The following PARD3B variants were observed in gnomAD, a reference collection of about 807,000 sequenced individuals.
PARD3B encodes the protein par-3 family cell polarity regulator beta, also known as partitioning defective 3 homolog B.
A neutral mutation model predicts 130.2 loss-of-function variants in PARD3B; 103 were observed. That is an observed-to-expected ratio of 0.79 (90% CI 0.67 to 0.93). PARD3B has a LOEUF of 0.93. PARD3B is among the 40% of genes least tolerant of loss of function. The pLI is 0.00. For missense variants in PARD3B, 1,609 were observed against 1,499.2 expected, an observed-to-expected ratio of 1.07 and a Z score of -1.21; for synonymous variants, 583 against 553.2, an observed-to-expected ratio of 1.05 and a Z score of -0.76.
chr2:204,659,836 T>C (rs2035744992), intron 1 of PARD3B, among the ~76,000 whole-genome samples: 1 of 152,182 alleles, frequency 6.6e-6, no homozygotes, highest in Admixed American at 6.6e-5. Flanking sequence ...AAACAATGGA[T>C]GCTATTTACA....
At chr2:204,938,387 C>T (rs1688629090) in intron 2 of PARD3B, among the ~76,000 whole-genome samples, 1 of 152,276 alleles carries the variant, frequency 6.6e-6, no homozygotes, top group African/African-American at 2.4e-5. Context: ...CATGCTGTTC[C>T]CTCTGCGTGG....
At chr2:205,522,365 G>GAAA (rs1393318402) in intron 21 of PARD3B, among the ~76,000 whole-genome samples, 600 of 151,568 alleles carry the variant, frequency 4.0e-3, no homozygotes, top group African/African-American at 0.014. Flanking sequence ...TTAAATCAAG[G>GAAA]AATTAGGTTT....
intron 21 of PARD3B, among the ~76,000 whole-genome samples, chr2:205,500,433 T>C (rs751060118): frequency 5.3e-5 from 8 of 152,190 alleles, no homozygotes; most frequent in Non-Finnish European, 1.2e-4. Context: ...GTCAGTTGTT[T>C]GTTTATTGGA....
intron 21 of PARD3B, among the ~76,000 whole-genome samples, chr2:205,505,877 T>G (rs185330681): frequency 2.4e-3 from 371 of 152,210 alleles, no homozygotes; most frequent in African/African-American, 8.6e-3. Context: ...CCGCCCAACC[T>G]TTTTAAAAAA....
intron 10 of PARD3B, among the ~76,000 whole-genome samples, chr2:205,134,014 T>G (rs747934383): frequency 6.6e-6 from 1 of 152,196 alleles, no homozygotes; most frequent in Non-Finnish European, 1.5e-5. Flanking sequence ...TTGGAGGCTT[T>G]AGGGTAAGAT....
chr2:205,240,056 A>G (rs1214816726), intron 15 of PARD3B, among the ~76,000 whole-genome samples: 1 of 152,150 alleles, frequency 6.6e-6, no homozygotes, highest in East Asian at 1.9e-4. Context: ...CAGAATCATT[A>G]TGCCAAATTG....
chr2:205,268,429 G>A lies in PARD3B; in HGVS notation c.2185+22607G>A, dbSNP rs2040596466. On this transcript the variant is annotated intron_variant, in intron 16 of 22. Transcript: ENST00000406610. The surrounding 1 kb of genome is among the most constrained non-coding windows in gnomAD (Gnocchi z 4.1). ...TGTTAGAGGTTTGAGGTAAAAGATC[G>A]TGGCAGAAGCCAGTATTGATTCACA... Among the ~76,000 whole-genome samples the A allele has an allele frequency of 2.0e-5, 3 of 152,116 alleles. No homozygotes were observed. Among genetic ancestry groups the A allele is most frequent in the South Asian group, 2.1e-4 (1 of 4,822 alleles).
intron 4 of PARD3B, among the ~76,000 whole-genome samples, chr2:205,068,212 C>T (rs1700508246): frequency 6.6e-6 from 1 of 152,084 alleles, no homozygotes; most frequent in Non-Finnish European, 1.5e-5. Context: ...CTCAGATTTT[C>T]TGTTTTGTCT....
Position 205,210,536 on chromosome 2 carries a change from G to A in PARD3B, c.2140+17216G>A, listed in dbSNP as rs550077962. Among the ~76,000 whole-genome samples, 16 of 152,174 alleles carry A rather than the reference G, an allele frequency of 1.1e-4. No individual in the cohort carries two copies. In the South Asian group the frequency reaches 2.1e-3, roughly 20 times the overall value. On this transcript the variant is annotated intron_variant, in intron 15 of 22. Transcript: ENST00000406610. Reference sequence around the variant, plus strand: ...ACTTCTAGAAACAGGAATGCATTGAGCCTGCTAGTACATCAACCTTTGTAA... The same window carrying A: ...ACTTCTAGAAACAGGAATGCATTGAACCTGCTAGTACATCAACCTTTGTAA...
intron 1 of PARD3B, among the ~76,000 whole-genome samples, chr2:204,599,477 G>A (rs932527713): frequency 6.6e-6 from 1 of 151,628 alleles, no homozygotes; most frequent in African/African-American, 2.4e-5. Flanking sequence ...ACTTAACCTG[G>A]TATCCTCCAA....
intron 16 of PARD3B, among the ~76,000 whole-genome samples, chr2:205,266,353 A>G (rs2040504734): frequency 6.6e-6 from 1 of 152,166 alleles, no homozygotes; most frequent in African/African-American, 2.4e-5. Flanking sequence ...TAATAATGAG[A>G]TGGCAAACCA....
intron 1 of PARD3B, among the ~76,000 whole-genome samples, chr2:204,573,136 G>C (rs527511736): frequency 6.6e-6 from 1 of 152,124 alleles, no homozygotes; most frequent in Non-Finnish European, 1.5e-5. Context: ...CCTGAGTCCG[G>C]CTGTATCTCA....
chr2:204,876,896 C>T (rs1165760771), intron 2 of PARD3B, among the ~76,000 whole-genome samples: 2 of 152,014 alleles, frequency 1.3e-5, no homozygotes, highest in African/African-American at 4.8e-5. Flanking sequence ...TACAGTGGAC[C>T]CTTAACCTGT....
chr2:204,941,440 A>T (rs569460402), intron 2 of PARD3B, among the ~76,000 whole-genome samples: 94 of 152,184 alleles, frequency 6.2e-4, no homozygotes, highest in Non-Finnish European at 1.3e-3. Context: ...ATAATTAACA[A>T]CCTGGCTATG....
chr2:205,426,684 C>T (rs937263102), intron 19 of PARD3B, among the ~76,000 whole-genome samples: 1 of 152,120 alleles, frequency 6.6e-6, no homozygotes, highest in South Asian at 2.1e-4. Flanking sequence ...CTGGCCAAGT[C>T]AGTCAGAGCT....
At chr2:205,332,089 T>C (rs1300834419) in intron 18 of PARD3B, among the ~76,000 whole-genome samples, 1 of 152,004 alleles carries the variant, frequency 6.6e-6, no homozygotes, top group African/African-American at 2.4e-5. Flanking sequence ...AGGGTGACAG[T>C]GCCAGACTCG....
intron 22 of PARD3B, among the ~76,000 whole-genome samples, chr2:205,555,340 A>G (rs1443682059): frequency 1.3e-5 from 2 of 152,334 alleles, no homozygotes; most frequent in East Asian, 3.9e-4. Context: ...CTGGAGGCAC[A>G]GTCCCAGTCC....
rs1261997213 is a variant in PARD3B, at chr2:205,352,977, C to T, written c.2631-48036C>T. ...AAGTCTCCCCCAAAATGTTTTGAGA[C>T]AAAAATCAGAATAGAATCTGCTTAC... On this transcript the variant is annotated intron_variant, in intron 18 of 22. Coordinates refer to ENST00000406610, the MANE Select transcript of PARD3B (RefSeq NM_001302769.2). The surrounding 1 kb of genome is among the most constrained non-coding windows in gnomAD (Gnocchi z 5.2). Among the ~76,000 whole-genome samples, 3 of 152,104 alleles carry T rather than the reference C, an allele frequency of 2.0e-5. No individual in the cohort carries two copies. Among genetic ancestry groups the T allele is most frequent in the Non-Finnish European group, 2.9e-5 (2 of 68,004 alleles).
intron 18 of PARD3B, among the ~76,000 whole-genome samples, chr2:205,377,826 A>G (rs999540728): frequency 2.8e-5 from 4 of 141,414 alleles, no homozygotes; most frequent in Non-Finnish European, 6.0e-5. Context: ...GCTGGAGTGC[A>G]ATGGTGAGGT....
Sources: allele counts gnomAD v4.1 joint callset (sites outside exome capture counted in the v4.1 genomes callset), GRCh38; gene constraint gnomAD v4.1.1; non-coding constraint Gnocchi (gnomAD v3.1); transcripts MANE v1.5; gene names NCBI Gene and HGNC (gene_info 2026-07-23, HGNC 2026-07-21).